Variants in PDS5B observed in about 807,000 individuals in gnomAD.
PDS5B encodes the protein sister chromatid cohesion protein PDS5 homolog B.
A neutral mutation model predicts 184.1 loss-of-function variants in PDS5B; 51 were observed. The ratio of observed to expected loss-of-function variants is 0.28; its 90% confidence interval spans 0.22 to 0.35. The LOEUF (loss-of-function observed/expected upper bound fraction) is 0.35. Among genes scored for constraint, PDS5B ranks in the 10% least tolerant of loss-of-function variants. The pLI is 1.00. For synonymous variants in PDS5B, 566 were observed against 569.2 expected (o/e 0.99, Z 0.08); for missense variants, 1,180 against 1,723.3 (o/e 0.68, Z 5.58).
rs191748997 is a variant in PDS5B, at chr13:32,623,669, T to C, written c.-19-25085T>C. 2.0e-5 allele frequency among the ~76,000 whole-genome samples: 3 copies of C among 152,278 alleles called. No homozygotes were observed. In the East Asian group the frequency reaches 5.8e-4, roughly 29 times the overall value. ...ACCTTTCTGATTGTTATAAATTTCA[T>C]TTTCTTTTTGCCCTATTTTTCCCTT... On this transcript the variant is annotated intron_variant, in intron 1 of 34. Coordinates refer to ENST00000315596, the MANE Select transcript of PDS5B (RefSeq NM_015032.4).
intron 1 of PDS5B, among the ~76,000 whole-genome samples, chr13:32,596,452 A>G (rs974874222): frequency 2.0e-5 from 3 of 152,194 alleles, no homozygotes; most frequent in East Asian, 3.9e-4. Context: ...GTTTTTGACT[A>G]TTATGAATAA....
At chr13:32,597,659 A>G (rs1026960633) in intron 1 of PDS5B, among the ~76,000 whole-genome samples, 2 of 151,894 alleles carry the variant, frequency 1.3e-5, no homozygotes, top group Non-Finnish European at 2.9e-5. Flanking sequence ...CATCCTGGCT[A>G]ACATGGTGAA....
At position 32,773,264 on chromosome 13, in the gene PDS5B, C is replaced by T. The variant is rs2141045916; in HGVS notation, c.4248C>T (p.Ser1416=). ...SSEEVDVFQG[S]SPVDDIPQEE... ...AAGAAGTAGATGTGTTTCAGGGTAG[C>T]TCTCCTGTCGATGATATTCCACAGG... The change falls in exon 34 of 35, where the codon AGC becomes AGT. Residue 1416 remains serine (S), a synonymous_variant. Transcript: ENST00000315596. 6.2e-7 allele frequency: 1 copy of T among 1,612,982 alleles called. No individual in the cohort carries two copies. The highest frequency in any genetic ancestry group is 8.5e-7 in the Non-Finnish European group (1 of 1,179,228).
chr13:32,765,610 G>T (rs1184981315), intron 31 of PDS5B, among the ~76,000 whole-genome samples: 1 of 151,928 alleles, frequency 6.6e-6, no homozygotes, highest in Non-Finnish European at 1.5e-5. Flanking sequence ...GTTTTGTTTT[G>T]TTTTGTTTTT....
chr13:32,661,620 G>A (rs1378895259), intron 6 of PDS5B, among the ~76,000 whole-genome samples: 1 of 151,806 alleles, frequency 6.6e-6, no homozygotes, highest in East Asian at 1.9e-4. Context: ...AAGTTAGCTT[G>A]AAATATTCCA....
intron 34 of PDS5B, among the ~76,000 whole-genome samples, chr13:32,774,109 G>T (rs1457114493): frequency 1.3e-5 from 2 of 152,110 alleles, no homozygotes; most frequent in Admixed American, 6.6e-5. Flanking sequence ...GGCCCTTCTT[G>T]ACTTTTAAAG....
chr13:32,731,299 G>T (rs757496847), intron 19 of PDS5B, among the ~76,000 whole-genome samples: 3 of 152,132 alleles, frequency 2.0e-5, no homozygotes, highest in African/African-American at 7.2e-5. Flanking sequence ...TTGTATAATA[G>T]TTTAAGAGCT....
chr13:32,716,499 G>A (rs1952422836), intron 19 of PDS5B, among the ~76,000 whole-genome samples: 1 of 151,592 alleles, frequency 6.6e-6, no homozygotes, highest in African/African-American at 2.4e-5. Flanking sequence ...GAGCGCCTCC[G>A]CCCAGCAGCC....
At chr13:32,742,445 T>G in intron 22 of PDS5B, 146 bp from the exon 23 acceptor site, 1 of 611,442 alleles carries the variant, frequency 1.6e-6, no homozygotes. Flanking sequence ...TTTAAAACAT[T>G]CGAGATTATC....
chr13:32,751,719 A>G (rs189242130), intron 24 of PDS5B, among the ~76,000 whole-genome samples: 87 of 152,124 alleles, frequency 5.7e-4, no homozygotes, highest in African/African-American at 1.9e-3. Context: ...TTGTTTGTTA[A>G]TTTATTTAAG....
At chr13:32,647,677 A>G (rs951010284) in intron 1 of PDS5B, among the ~76,000 whole-genome samples, 1 of 152,150 alleles carries the variant, frequency 6.6e-6, no homozygotes, top group Admixed American at 6.6e-5. Flanking sequence ...TTTAAAAAAA[A>G]TCTTCTAGTT....
At chr13:32,722,338 G>A (rs558326545) in intron 19 of PDS5B, among the ~76,000 whole-genome samples, 2 of 152,254 alleles carry the variant, frequency 1.3e-5, no homozygotes, top group African/African-American at 2.4e-5. Flanking sequence ...GAGGGAGACC[G>A]TGGAAAGCGG....
At chr13:32,628,673 T>C (rs1034797307) in intron 1 of PDS5B, among the ~76,000 whole-genome samples, 2 of 152,216 alleles carry the variant, frequency 1.3e-5, no homozygotes, top group African/African-American at 4.8e-5. Flanking sequence ...GTGTTTATTT[T>C]ACCAAATATA....
intron 1 of PDS5B, among the ~76,000 whole-genome samples, chr13:32,642,098 T>C (rs1331566160): frequency 6.6e-6 from 1 of 152,232 alleles, no homozygotes; most frequent in Non-Finnish European, 1.5e-5. Flanking sequence ...TGAATCAGTT[T>C]TCTTGTTTTG....
chr13:32,686,584 G>A (rs1208262578), intron 11 of PDS5B, among the ~76,000 whole-genome samples: 4 of 152,124 alleles, frequency 2.6e-5, no homozygotes, highest in Non-Finnish European at 5.9e-5. Flanking sequence ...AGGAGTTCGA[G>A]ACCAGCCTGG....
chr13:32,657,206 A>G lies in PDS5B; in HGVS notation c.313-1033A>G, dbSNP rs564666517. Among the ~76,000 whole-genome samples the G allele has an allele frequency of 1.3e-4, 20 of 152,230 alleles. No individual in the cohort carries two copies. In the South Asian group the frequency reaches 2.9e-3, roughly 22 times the overall value. ...TCCCACTATTATTGTGTCATTATCT[A>G]TGTCTCTTCATAAGTCTCTAAGAAC... On this transcript the variant is annotated intron_variant, in intron 3 of 34. Coordinates refer to ENST00000315596, the MANE Select transcript of PDS5B (RefSeq NM_015032.4).
rs2140829164 is a variant in PDS5B, at chr13:32,688,580, A to G, written c.1469+11A>G. ...TTTAAATGCTGTGAAGTATGTTTCA[A>G]ATATCAAATTCTGTTCTTTTCATCC... is the stretch of plus-strand genomic sequence containing the variant. On this transcript the variant is annotated intron_variant, in intron 13 of 34. Transcript: ENST00000315596. 8 of 1,409,086 alleles carry G rather than the reference A, an allele frequency of 5.7e-6. No homozygotes were observed. Among genetic ancestry groups the G allele is most frequent in the East Asian group, 4.6e-5 (2 of 43,794 alleles). The allele number at this position is 1,409,086 out of a possible 1,614,324, so 87.3% of individuals were successfully genotyped here. A position where few individuals can be genotyped will look rare whatever the true frequency, so the allele number is the denominator to read the frequency against.
chr13:32,770,129 G>A lies in PDS5B; in HGVS notation c.3633G>A (p.Leu1211=), dbSNP rs776727729. 2.5e-6 allele frequency: 4 copies of A among 1,598,670 alleles called. No homozygotes were observed. The highest frequency in any genetic ancestry group is 3.4e-6 in the Non-Finnish European group (4 of 1,174,984). The change falls in exon 32 of 35, where the codon TTG becomes TTA. Residue 1211 remains leucine (L), a synonymous_variant. Transcript: ENST00000315596. ...RDDSDLVRSE[L]EKPRGRKKTP... Reference sequence around the variant, plus strand: ...TTTTTTTTTTCCCCTAGTCTGAATTGGAGAAGCCTAGAGGCAGGAAAAAAA... The same window carrying A: ...TTTTTTTTTTCCCCTAGTCTGAATTAGAGAAGCCTAGAGGCAGGAAAAAAA...
chr13:32,718,480 A>G (rs961275064), intron 19 of PDS5B, among the ~76,000 whole-genome samples: 2 of 152,124 alleles, frequency 1.3e-5, no homozygotes, highest in East Asian at 1.9e-4. Flanking sequence ...AATTAAATCT[A>G]ATAAGATAGG....
Sources: allele counts gnomAD v4.1 joint callset (sites outside exome capture counted in the v4.1 genomes callset), GRCh38; gene constraint gnomAD v4.1.1; transcripts MANE v1.5; gene names NCBI Gene and HGNC (gene_info 2026-07-23, HGNC 2026-07-21).